Variants in MYOM2 observed in about 807,000 individuals in gnomAD.
The protein encoded by MYOM2 is myomesin-2.
A neutral mutation model predicts 187.6 loss-of-function variants in MYOM2; 254 were observed. The observed-to-expected ratio is 1.35, with a 90% confidence interval of 1.22 to 1.50. The LOEUF is 1.50. Among genes scored for constraint, MYOM2 ranks in the 40% most tolerant of loss-of-function variants. The probability of loss-of-function intolerance (pLI) is 0.00; values close to 1 mark genes in which losing one functional copy is unlikely to be tolerated. For missense variants in MYOM2, 2,796 were observed against 1,924.0 expected (o/e 1.45, Z -8.48); for synonymous variants, 981 against 753.8 (o/e 1.30, Z -4.94).
At chr8:2,131,868 C>G (rs1318084748) in intron 32 of MYOM2, among the ~76,000 whole-genome samples, 1 of 152,114 alleles carries the variant, frequency 6.6e-6, no homozygotes, top group Non-Finnish European at 1.5e-5. Flanking sequence ...TGGCCTCAAT[C>G]TCCTGACCTC....
rs777419775 is a variant in MYOM2, at chr8:2,098,997, C to T, written c.2440+14C>T. ...TGCCGGAGCCCGGTGAGTCGCTGCCCCCAGGACACCCGCGTTCCAGCGCAC... is the reference window on the plus strand; with the variant it reads ...TGCCGGAGCCCGGTGAGTCGCTGCCTCCAGGACACCCGCGTTCCAGCGCAC... On this transcript the variant is annotated intron_variant, in intron 19 of 36. Transcript: ENST00000262113. 1.8e-5 allele frequency: 29 copies of T among 1,592,574 alleles called. No homozygotes were observed. Among genetic ancestry groups the T allele is most frequent in the Middle Eastern group, 1.9e-4 (1 of 5,316 alleles).
chr8:2,087,427 A>G (rs1796131443), intron 14 of MYOM2, among the ~76,000 whole-genome samples: 1 of 152,174 alleles, frequency 6.6e-6, no homozygotes, highest in Non-Finnish European at 1.5e-5. Flanking sequence ...GGGGGTAGAA[A>G]CTAGAAATAT....
chr8:2,065,681 A>G (rs965257482), intron 6 of MYOM2, among the ~76,000 whole-genome samples: 5 of 152,290 alleles, frequency 3.3e-5, no homozygotes, highest in Middle Eastern at 6.8e-3. Flanking sequence ...ATATTGAAAA[A>G]AATCCTGAAT....
chr8:2,100,797 G>C, intron 19 of MYOM2, 79 bp from the exon 20 acceptor site: 1 of 1,443,164 alleles, frequency 6.9e-7, no homozygotes, highest in Non-Finnish European at 9.6e-7. Context: ...AGGAGCAGTG[G>C]GTCCCCGGGG....
At chr8:2,072,109 A>C (rs887414022) in intron 8 of MYOM2, among the ~76,000 whole-genome samples, 3 of 152,036 alleles carry the variant, frequency 2.0e-5, no homozygotes, top group Admixed American at 6.5e-5. Flanking sequence ...TGACGGTCTG[A>C]GTGTGTCTGC....
At chr8:2,138,543 G>A (rs1163635466) in intron 32 of MYOM2, among the ~76,000 whole-genome samples, 1 of 152,176 alleles carries the variant, frequency 6.6e-6, no homozygotes, top group Non-Finnish European at 1.5e-5. Context: ...TATTGTGAAG[G>A]GCTAAAGGGG....
rs529462708 is a variant in MYOM2, at chr8:2,138,476, A to T, written c.3801-2247A>T. Among the ~76,000 whole-genome samples, 5 of 152,290 alleles carry T rather than the reference A, an allele frequency of 3.3e-5. No individual in the cohort carries two copies. The South Asian group carries it at 8.3e-4, about 25-fold the overall frequency. ...GATTCCTGAAGGATTGCCTGGTCCGATTCTCCCGCCTCTTTCCGGGGAGGG... is the reference window on the plus strand; with the variant it reads ...GATTCCTGAAGGATTGCCTGGTCCGTTTCTCCCGCCTCTTTCCGGGGAGGG... On this transcript the variant is annotated intron_variant, in intron 32 of 36. Transcript: ENST00000262113.
At chr8:2,097,838 T>C (rs1796545898) in intron 18 of MYOM2, among the ~76,000 whole-genome samples, 1 of 152,192 alleles carries the variant, frequency 6.6e-6, no homozygotes, top group African/African-American at 2.4e-5. Context: ...TAAAAAATGT[T>C]TTTCAAATAT....
intron 17 of MYOM2, among the ~76,000 whole-genome samples, chr8:2,096,032 T>G (rs1299747932): frequency 6.6e-6 from 1 of 152,210 alleles, no homozygotes; most frequent in Non-Finnish European, 1.5e-5. Flanking sequence ...TACATATATA[T>G]GAGATAAATT....
At chr8:2,105,795 G>A (rs1796867947) in intron 21 of MYOM2, among the ~76,000 whole-genome samples, 1 of 152,182 alleles carries the variant, frequency 6.6e-6, no homozygotes, top group African/African-American at 2.4e-5. Context: ...ATGATTTGGT[G>A]TAAGATGAGG....
At chr8:2,056,614 T>G (rs1384815279) in intron 3 of MYOM2, among the ~76,000 whole-genome samples, 1 of 152,218 alleles carries the variant, frequency 6.6e-6, no homozygotes, top group African/African-American at 2.4e-5. Flanking sequence ...TGTATATTTT[T>G]AAACTCAAAA....
chr8:2,088,140 G>A (rs1230542609), intron 14 of MYOM2, among the ~76,000 whole-genome samples: 1 of 152,020 alleles, frequency 6.6e-6, no homozygotes, highest in South Asian at 2.1e-4. Context: ...AGAGATTTTG[G>A]TGCATCCATC....
chr8:2,125,309 A>C (rs1032748634), intron 31 of MYOM2, among the ~76,000 whole-genome samples: 2 of 152,156 alleles, frequency 1.3e-5, no homozygotes, highest in African/African-American at 4.8e-5. Flanking sequence ...CTGCATGTGG[A>C]TATTCAGTGT....
intron 21 of MYOM2, among the ~76,000 whole-genome samples, chr8:2,103,787 T>G (rs981282940): frequency 6.6e-6 from 1 of 151,662 alleles, no homozygotes; most frequent in African/African-American, 2.4e-5. Flanking sequence ...TGTGTTTATG[T>G]GTATGTATGT....
At chr8:2,111,487 C>T (rs1797066214) in intron 25 of MYOM2, among the ~76,000 whole-genome samples, 1 of 152,170 alleles carries the variant, frequency 6.6e-6, no homozygotes, top group African/African-American at 2.4e-5. Flanking sequence ...AAAGTAAGTT[C>T]CTATCATTCA....
chr8:2,099,201 G>A (rs1363983639), intron 19 of MYOM2, among the ~76,000 whole-genome samples: 2 of 152,250 alleles, frequency 1.3e-5, no homozygotes, highest in Admixed American at 6.5e-5. Flanking sequence ...GGCCAGTGAT[G>A]AGGGCAGAGT....
chr8:2,133,585 A>T (rs145352011), intron 32 of MYOM2, among the ~76,000 whole-genome samples: 19,794 of 152,072 alleles, frequency 0.13, 2,204 homozygotes, highest in African/African-American at 0.28. Context: ...CTCAGCCTCC[A>T]GAGTAGCTGG....
rs367683211 is a variant in MYOM2 at position 2,093,955 on chromosome 8, C to G, written c.2004-15C>G. The G allele has an allele frequency of 9.3e-6, 15 of 1,613,312 alleles. No homozygotes were observed. Among genetic ancestry groups the G allele is most frequent in the African/African-American group, 1.3e-5 (1 of 74,888 alleles). ...GGAGCCTGGCAGTTCTGACCCTGAT[C>G]CCTGTGTTTCTCAGGTTCGTGGTGC... On this transcript the variant is annotated splice_polypyrimidine_tract_variant and intron_variant, in intron 16 of 36. Transcript: ENST00000262113.
intron 32 of MYOM2, among the ~76,000 whole-genome samples, chr8:2,138,910 C>A (rs1365524648): frequency 6.6e-6 from 1 of 152,098 alleles, no homozygotes; most frequent in Non-Finnish European, 1.5e-5. Context: ...TCCCACTGTG[C>A]CTTCACAGAA....
Sources: allele counts gnomAD v4.1 joint callset (sites outside exome capture counted in the v4.1 genomes callset), GRCh38; gene constraint gnomAD v4.1.1; transcripts MANE v1.5; gene names NCBI Gene and HGNC (gene_info 2026-07-23, HGNC 2026-07-21).